TSPAN9: variants seen among roughly 807,000 people sequenced by gnomAD.
TSPAN9 encodes tetraspanin-9.
Under a neutral mutation model 31.0 loss-of-function variants are expected in TSPAN9, and 16 were observed. That is an observed-to-expected ratio of 0.52 (90% CI 0.35 to 0.78). The LOEUF is 0.78. TSPAN9 is among the 30% of genes least tolerant of loss of function. The pLI, the probability that TSPAN9 is intolerant of heterozygous loss-of-function variation, is 0.01. For missense variants in TSPAN9, 272 were observed against 312.5 expected (o/e 0.87, Z 0.98); for synonymous variants, 145 against 121.6 (o/e 1.19, Z -1.27).
intron 2 of TSPAN9, among the ~76,000 whole-genome samples, chr12:3,191,927 G>C (rs368689968): frequency 6.6e-6 from 1 of 152,144 alleles, no homozygotes; most frequent in Non-Finnish European, 1.5e-5. Flanking sequence ...TGACAGTGGG[G>C]GGCAGCCAGA....
chr12:3,259,354 C>T (rs1348964449), intron 3 of TSPAN9, among the ~76,000 whole-genome samples: 2 of 152,212 alleles, frequency 1.3e-5, no homozygotes, highest in Non-Finnish European at 2.9e-5. Flanking sequence ...TCATCATATA[C>T]TAAATGGTAC....
chr12:3,100,041 C>T (rs2098311112), intron 2 of TSPAN9, among the ~76,000 whole-genome samples: 1 of 152,068 alleles, frequency 6.6e-6, no homozygotes, highest in Non-Finnish European at 1.5e-5. Context: ...CGGGGTTTCA[C>T]CATGTTAGCC....
At chr12:3,148,782 G>A (rs534193579) in intron 2 of TSPAN9, among the ~76,000 whole-genome samples, 4 of 152,216 alleles carry the variant, frequency 2.6e-5, no homozygotes, top group Non-Finnish European at 4.4e-5. Context: ...CTGCCCAGGC[G>A]GGGGAGGGAC....
chr12:3,244,674 C>A (rs1207922930), intron 3 of TSPAN9, among the ~76,000 whole-genome samples: 1 of 152,232 alleles, frequency 6.6e-6, no homozygotes, highest in East Asian at 1.9e-4. Flanking sequence ...AGCCACCCCC[C>A]TAAAGGGGAC....
At chr12:3,181,291 G>A (rs188300919) in intron 2 of TSPAN9, among the ~76,000 whole-genome samples, 4 of 152,302 alleles carry the variant, frequency 2.6e-5, no homozygotes, top group East Asian at 3.9e-4. Context: ...GGCCCTGGAC[G>A]TAGATCATCA....
chr12:3,265,737 C>T (rs1429628901), intron 3 of TSPAN9, among the ~76,000 whole-genome samples: 1 of 152,174 alleles, frequency 6.6e-6, no homozygotes, highest in African/African-American at 2.4e-5. Context: ...TCAGGTTGGG[C>T]TAGAAATTTG....
At position 3,278,294 on chromosome 12, in the gene TSPAN9, C is replaced by T. The variant is rs888353072; in HGVS notation, c.64-127C>T. The stretch of plus-strand genomic sequence containing the variant: ...CGGGTCTGCAGCCCAACGGTAGTCC[C>T]GTTCTCACCTTGTCGGTTCTCACTT... On this transcript the variant is annotated intron_variant, in intron 3 of 8. Transcript: ENST00000011898. The T allele has an allele frequency of 1.1e-5, 15 of 1,355,416 alleles. 1 individual carries two copies. Among genetic ancestry groups the T allele is most frequent in the East Asian group, 4.6e-5 (2 of 43,172 alleles). The allele number at this position is 1,355,416 out of a possible 1,614,324, so 84.0% of individuals were successfully genotyped here.
At chr12:3,203,286 CATT>C (rs1591674727) in intron 3 of TSPAN9, among the ~76,000 whole-genome samples, 1 of 152,152 alleles carries the variant, frequency 6.6e-6, no homozygotes, top group African/African-American at 2.4e-5. Flanking sequence ...TGTAGGCCCT[CATT>C]ATATGTTTGT....
At chr12:3,207,502 G>A (rs1045498424) in intron 3 of TSPAN9, among the ~76,000 whole-genome samples, 4 of 152,090 alleles carry the variant, frequency 2.6e-5, no homozygotes, top group African/African-American at 4.8e-5. Flanking sequence ...ACGGTCAGGC[G>A]GGGGAGCAGC....
At chr12:3,212,650 C>T (rs1267896308) in intron 3 of TSPAN9, among the ~76,000 whole-genome samples, 2 of 152,174 alleles carry the variant, frequency 1.3e-5, no homozygotes, top group African/African-American at 4.8e-5. Flanking sequence ...CACTGCAGAC[C>T]TGATGAGGGA....
intron 2 of TSPAN9, among the ~76,000 whole-genome samples, chr12:3,110,272 C>A (rs970040984): frequency 2.0e-5 from 3 of 152,128 alleles, no homozygotes; most frequent in African/African-American, 7.2e-5. Context: ...CACAGGAATT[C>A]CGTTTTAGAT....
chr12:3,078,047 CTTG>C (rs1298425517), intron 1 of TSPAN9, among the ~76,000 whole-genome samples: 3 of 152,202 alleles, frequency 2.0e-5, no homozygotes, highest in Non-Finnish European at 4.4e-5. Flanking sequence ...AAGAAACCGG[CTTG>C]TTGTTGTAAG....
At chr12:3,221,360 CTT>C (rs61424013) in intron 3 of TSPAN9, among the ~76,000 whole-genome samples, 13 of 141,334 alleles carry the variant, frequency 9.2e-5, no homozygotes, top group East Asian at 2.1e-4. Context: ...ATATTTTTCT[CTT>C]TTTTTTTTTT....
chr12:3,155,831 G>C (rs1236547594), intron 2 of TSPAN9, among the ~76,000 whole-genome samples: 1 of 152,178 alleles, frequency 6.6e-6, no homozygotes, highest in South Asian at 2.1e-4. Context: ...CACTGGAGGC[G>C]GAGTTGCCAG....
intron 3 of TSPAN9, among the ~76,000 whole-genome samples, chr12:3,268,761 T>A (rs370856940): frequency 4.9e-5 from 1 of 20,242 alleles, no homozygotes; most frequent in African/African-American, 1.8e-4. Flanking sequence ...TCCGTGCGTT[T>A]CTGCAGCCTG....
chr12:3,121,382 C>T (rs1283961040), intron 2 of TSPAN9, among the ~76,000 whole-genome samples: 1 of 114,012 alleles, frequency 8.8e-6, no homozygotes, highest in East Asian at 2.6e-4. Flanking sequence ...TTTTTTGAGA[C>T]AGGTTCTTGC....
intron 3 of TSPAN9, 91 bp downstream of exon 3, chr12:3,201,347 T>A: frequency 7.9e-7 from 1 of 1,267,970 alleles, no homozygotes; most frequent in Non-Finnish European, 1.2e-6. Flanking sequence ...CTGTGCTGCA[T>A]TGCTCTGCTC....
intron 3 of TSPAN9, among the ~76,000 whole-genome samples, chr12:3,250,737 C>T (rs1032775678): frequency 1.8e-4 from 27 of 152,366 alleles, no homozygotes; most frequent in Admixed American, 7.8e-4. Flanking sequence ...TCCATGACAC[C>T]AGAACCCTTT....
At chr12:3,208,108 C>G (rs1196624282) in intron 3 of TSPAN9, among the ~76,000 whole-genome samples, 1 of 152,214 alleles carries the variant, frequency 6.6e-6, no homozygotes, top group Non-Finnish European at 1.5e-5. Flanking sequence ...TGCGCAGGAG[C>G]TGTGGTTGTT....
Sources: gnomAD v4.1 joint callset for allele counts (sites outside exome capture counted in the v4.1 genomes callset) on GRCh38, gnomAD v4.1.1 for gene constraint, MANE v1.5 for transcripts, NCBI Gene and HGNC (gene_info 2026-07-23, HGNC 2026-07-21) for gene names.